SYNDIG1: variants seen among roughly 807,000 people sequenced by gnomAD.
SYNDIG1 encodes the protein synapse differentiation-inducing gene protein 1.
SYNDIG1 carries 9 observed loss-of-function variants against 19.4 expected under a neutral mutation model. That is an observed-to-expected ratio of 0.46 (90% CI 0.28 to 0.81). The LOEUF is 0.81. Ranked by LOEUF, SYNDIG1 falls within the 30% of genes least tolerant of loss-of-function variation. The probability of loss-of-function intolerance (pLI) is 0.12; values close to 1 mark genes in which losing one functional copy is unlikely to be tolerated. For synonymous variants in SYNDIG1, 141 were observed against 145.9 expected, an observed-to-expected ratio of 0.97 and a Z score of 0.24; for missense variants, 311 against 343.3, an observed-to-expected ratio of 0.91 and a Z score of 0.74.
intron 2 of SYNDIG1, among the ~76,000 whole-genome samples, chr20:24,573,065 G>A (rs964364035): frequency 3.9e-5 from 6 of 152,192 alleles, no homozygotes; most frequent in Admixed American, 1.3e-4. Context: ...TCTGCTGTAA[G>A]TTCCTTCTGG....
chr20:24,607,330 C>G (rs1253561173), intron 3 of SYNDIG1, among the ~76,000 whole-genome samples: 1 of 141,872 alleles, frequency 7.0e-6, no homozygotes, highest in Non-Finnish European at 1.5e-5. Flanking sequence ...CACTGCACTG[C>G]AGCCTGAGCA....
intron 3 of SYNDIG1, among the ~76,000 whole-genome samples, chr20:24,597,703 G>A (rs2058618283): frequency 1.3e-5 from 2 of 152,192 alleles, no homozygotes. Context: ...TGTGATTCCA[G>A]GCCAGCGAAC....
chr20:24,501,648 C>G (rs1344072832), intron 1 of SYNDIG1, among the ~76,000 whole-genome samples: 1 of 152,198 alleles, frequency 6.6e-6, no homozygotes, highest in Non-Finnish European at 1.5e-5. Context: ...GTTCCCTCTT[C>G]TGGAAATGGG....
intron 2 of SYNDIG1, among the ~76,000 whole-genome samples, chr20:24,553,561 A>G (rs900078291): frequency 2.6e-5 from 4 of 152,242 alleles, no homozygotes; most frequent in Non-Finnish European, 5.9e-5. Flanking sequence ...CAGTTATTAA[A>G]TAGGAAATCC....
chr20:24,636,316 A>G (rs1381995621), intron 3 of SYNDIG1, among the ~76,000 whole-genome samples: 1 of 152,252 alleles, frequency 6.6e-6, no homozygotes, highest in Non-Finnish European at 1.5e-5. Context: ...GGAAATGGAC[A>G]TACAAGAAGT....
chr20:24,559,615 A>G (rs1460902092), intron 2 of SYNDIG1, among the ~76,000 whole-genome samples: 4 of 152,294 alleles, frequency 2.6e-5, no homozygotes, highest in Admixed American at 1.3e-4. Context: ...TGCATCATCT[A>G]CTTCCAGCCT....
chr20:24,594,382 A>G (rs1372901072), intron 3 of SYNDIG1, among the ~76,000 whole-genome samples: 1 of 152,088 alleles, frequency 6.6e-6, no homozygotes, highest in Non-Finnish European at 1.5e-5. Flanking sequence ...TCATTGGTCT[A>G]TATGTCTGTT....
rs186966235 is a variant in SYNDIG1, at chr20:24,638,597, A to G, written c.619-26749A>G. Among the ~76,000 whole-genome samples, 321 of 152,278 alleles carry G rather than the reference A, an allele frequency of 2.1e-3. 2 individuals are homozygous for G. Among genetic ancestry groups the G allele is most frequent in the Non-Finnish European group, 1.6e-3 (108 of 68,020 alleles). Reference sequence around the variant, plus strand: ...AGGCTGGTCTCAAACTCCTGGACTCAAGAAATACCCCCACTTTGACCTCCC... The same window carrying G: ...AGGCTGGTCTCAAACTCCTGGACTCGAGAAATACCCCCACTTTGACCTCCC... On this transcript the variant is annotated intron_variant, in intron 3 of 3. Transcript: ENST00000376862.
chr20:24,646,925 C>T (rs1026579206), intron 3 of SYNDIG1, among the ~76,000 whole-genome samples: 2 of 152,158 alleles, frequency 1.3e-5, no homozygotes, highest in Non-Finnish European at 2.9e-5. Flanking sequence ...CCGGCTGATG[C>T]TCAGTCTTGA....
chr20:24,579,970 C>T (rs201081333), intron 2 of SYNDIG1, among the ~76,000 whole-genome samples: 2 of 152,140 alleles, frequency 1.3e-5, no homozygotes, highest in East Asian at 3.8e-4. Context: ...AACTGAGAGC[C>T]CTCTCTCTCT....
At chr20:24,496,255 G>A (rs1404295124) in intron 1 of SYNDIG1, among the ~76,000 whole-genome samples, 4 of 152,152 alleles carry the variant, frequency 2.6e-5, no homozygotes, top group Admixed American at 6.6e-5. Flanking sequence ...ACACTTGTCC[G>A]TTCCGCCAGC....
chr20:24,475,942 C>T (rs2055610264), intron 1 of SYNDIG1, among the ~76,000 whole-genome samples: 1 of 151,510 alleles, frequency 6.6e-6, no homozygotes, highest in African/African-American at 2.4e-5. Context: ...CTTACTGCAA[C>T]CTCCGCCTCC....
chr20:24,484,351 T>C (rs1233104618), intron 1 of SYNDIG1, among the ~76,000 whole-genome samples: 1 of 152,182 alleles, frequency 6.6e-6, no homozygotes, highest in African/African-American at 2.4e-5. Context: ...TCTCCCCACA[T>C]GAACGATATT....
chr20:24,615,773 A>C (rs2058921450), intron 3 of SYNDIG1, among the ~76,000 whole-genome samples: 1 of 151,974 alleles, frequency 6.6e-6, no homozygotes. Context: ...GAAGTTCTTA[A>C]TGTCCTCCTG....
chr20:24,492,398 C>T (rs1372174719), intron 1 of SYNDIG1, among the ~76,000 whole-genome samples: 1 of 152,236 alleles, frequency 6.6e-6, no homozygotes, highest in Non-Finnish European at 1.5e-5. Context: ...CTGGCCACCA[C>T]AGGGGACATG....
At chr20:24,530,496 G>T (rs546601508) in intron 1 of SYNDIG1, among the ~76,000 whole-genome samples, 1 of 152,338 alleles carries the variant, frequency 6.6e-6, no homozygotes, top group East Asian at 1.9e-4. Flanking sequence ...TTTTCTGTGT[G>T]TGCTAAAGGC....
intron 1 of SYNDIG1, among the ~76,000 whole-genome samples, chr20:24,499,918 A>G (rs951338218): frequency 1.3e-5 from 2 of 152,252 alleles, no homozygotes; most frequent in Non-Finnish European, 2.9e-5. Flanking sequence ...AAATCATGCC[A>G]GTAATTTTCA....
intron 2 of SYNDIG1, among the ~76,000 whole-genome samples, chr20:24,548,115 G>A (rs1006690587): frequency 6.6e-6 from 1 of 152,174 alleles, no homozygotes; most frequent in Admixed American, 6.5e-5. Flanking sequence ...TTGGGGATGG[G>A]TCATGGTGCT....
intron 1 of SYNDIG1, among the ~76,000 whole-genome samples, chr20:24,470,547 T>C (rs535615573): frequency 6.6e-6 from 1 of 152,120 alleles, no homozygotes; most frequent in East Asian, 1.9e-4. Flanking sequence ...TTTTTCCTAG[T>C]CGTGATTTCT....
Sources: allele counts gnomAD v4.1 joint callset (sites outside exome capture counted in the v4.1 genomes callset), GRCh38; gene constraint gnomAD v4.1.1; transcripts MANE v1.5; gene names NCBI Gene and HGNC (gene_info 2026-07-23, HGNC 2026-07-21).